The following SARS2 variants were observed in gnomAD, a reference collection of about 807,000 sequenced individuals.
SARS2 encodes the protein serine--tRNA ligase, mitochondrial.
Under a neutral mutation model 66.8 loss-of-function variants are expected in SARS2, and 52 were observed. That is an observed-to-expected ratio of 0.78 (90% confidence interval 0.62 to 0.98). The LOEUF (loss-of-function observed/expected upper bound fraction) is 0.98, where lower values mean the gene tolerates loss of function less well. SARS2 is among the 50% of genes least tolerant of loss of function. The probability of loss-of-function intolerance (pLI) is 0.00; values close to 1 mark genes in which losing one functional copy is unlikely to be tolerated. For synonymous variants in SARS2, 306 were observed against 281.4 expected (o/e 1.09, Z -0.87); for missense variants, 673 against 706.3 (o/e 0.95, Z 0.53).
chr19:38,921,157 A>G (rs567055836), intron 5 of SARS2, among the ~76,000 whole-genome samples: 1 of 152,190 alleles, frequency 6.6e-6, no homozygotes, highest in South Asian at 2.1e-4. Flanking sequence ...CGATACAATC[A>G]CACAACACAG....
chr19:38,930,401 G>A (rs907756867), intron 1 of SARS2, 69 bp downstream of exon 1: 3 of 1,518,870 alleles, frequency 2.0e-6, no homozygotes, highest in African/African-American at 2.8e-5. Context: ...CTGCCGGAGG[G>A]CATCTTGCAA....
At chr19:38,918,927 G>C (rs1400365555) in intron 7 of SARS2, 114 bp from the exon 8 acceptor site, 1 of 1,082,722 alleles carries the variant, frequency 9.2e-7, no homozygotes, top group Non-Finnish European at 1.4e-6. Context: ...ACTGAGGCAG[G>C]GGCTGGCGCA....
rs1297211481 is a variant in SARS2 at position 38,918,278 on chromosome 19, T to C, written c.917-139A>G. On this transcript the variant is annotated intron_variant, in intron 9 of 15. Coordinates refer to ENST00000221431, the MANE Select transcript of SARS2 (RefSeq NM_017827.4). ...GGATTATCACTGTACTGCTGTACAG[T>C]AAACAACCTACACAGCCGTACATGT... The C allele has an allele frequency of 3.5e-6, 4 of 1,155,258 alleles. No individual in the cohort carries two copies. The African/African-American group carries it at 4.6e-5, about 13-fold the overall frequency. The allele number at this position is 1,155,258 out of a possible 1,614,324, so 71.6% of individuals were successfully genotyped here.
chr19:38,920,570 C>A (rs1028674175), intron 5 of SARS2, among the ~76,000 whole-genome samples: 10 of 151,644 alleles, frequency 6.6e-5, no homozygotes, highest in African/African-American at 2.4e-4. Flanking sequence ...CACACACACT[C>A]ACACACATAC....
At chr19:38,922,358 G>T in intron 2 of SARS2, 91 bp from the exon 3 acceptor site, 1 of 1,237,190 alleles carries the variant, frequency 8.1e-7, no homozygotes, top group Non-Finnish European at 1.2e-6. Flanking sequence ...AAGGCCAGAG[G>T]ATCTTAGTCT....
chr19:38,917,690 CTGCCAT>C, intron 12 of SARS2, 28 bp downstream of exon 12: 1 of 1,138,298 alleles, frequency 8.8e-7, no homozygotes, highest in Non-Finnish European at 1.3e-6. Flanking sequence ...TACCCCACCC[CTGCCAT>C]CCCTGGATCC....
chr19:38,915,447 C>T lies in SARS2; in HGVS notation c.*159G>A, dbSNP rs767430811. ...GTGACTGACTCTGAGGCAGCAAGGA[C>T]AGAGGAGAGGTGGACCCCGTGGTCC... On this transcript the variant is annotated 3_prime_UTR_variant, in exon 16 of 16. Transcript: ENST00000221431. The T allele has an allele frequency of 4.0e-6, 3 of 742,664 alleles. 1 individual carries two copies. Among genetic ancestry groups the T allele is most frequent in the Middle Eastern group, 8.0e-4 (2 of 2,504 alleles). 46.0% of individuals were successfully genotyped at this position (742,664 alleles called of 1,614,324 possible).
intron 1 of SARS2, among the ~76,000 whole-genome samples, 179 bp downstream of exon 1, chr19:38,930,291 G>T (rs180727623): frequency 6.4e-4 from 97 of 152,246 alleles, no homozygotes; most frequent in Non-Finnish European, 2.4e-4. Context: ...ACATAGTAGG[G>T]CCTCAGCACT....
rs374400683 is a variant in SARS2, at chr19:38,915,579, C to A, written c.*27G>T. ...TCCTGAACTCCAGGAAGCAGTGACACCCCCGAGGGCTGCTGTGGGTGGGTT... is the reference window on the plus strand; with the variant it reads ...TCCTGAACTCCAGGAAGCAGTGACAACCCCGAGGGCTGCTGTGGGTGGGTT... On this transcript the variant is annotated 3_prime_UTR_variant, in exon 16 of 16. Coordinates refer to ENST00000221431, the MANE Select transcript of SARS2 (RefSeq NM_017827.4). The A allele has an allele frequency of 9.3e-6, 15 of 1,609,030 alleles. No homozygotes were observed. Among genetic ancestry groups the A allele is most frequent in the Non-Finnish European group, 1.1e-5 (13 of 1,179,588 alleles).
Position 38,915,503 on chromosome 19 carries a change from A to G in SARS2, c.*103T>C. On this transcript the variant is annotated 3_prime_UTR_variant, in exon 16 of 16. Coordinates refer to ENST00000221431, the MANE Select transcript of SARS2 (RefSeq NM_017827.4). ...CCCGGGCGTGGAGCTGACAGGAAGA[A>G]CACAGATGTCAGGACGGGCTCAGCA... 7.0e-7 allele frequency: 1 copy of G among 1,418,460 alleles called. No individual in the cohort carries two copies. 87.9% of individuals were successfully genotyped at this position (1,418,460 alleles called of 1,614,324 possible). A position where few individuals can be genotyped will look rare whatever the true frequency, so the allele number is the denominator to read the frequency against.
intron 5 of SARS2, 56 bp downstream of exon 5, chr19:38,921,336 C>A: frequency 1.3e-6 from 2 of 1,598,170 alleles, no homozygotes; most frequent in Non-Finnish European, 1.7e-6. Flanking sequence ...ACCCCGAGAC[C>A]CCAGAACCCC....
intron 1 of SARS2, among the ~76,000 whole-genome samples, chr19:38,929,423 G>A (rs1431273948): frequency 6.6e-6 from 1 of 151,972 alleles, no homozygotes; most frequent in Non-Finnish European, 1.5e-5. Flanking sequence ...GGGCGTGGTG[G>A]TGTCTGCCTG....
chr19:38,921,036 CACAG>C (rs1974521809), intron 5 of SARS2, among the ~76,000 whole-genome samples: 2 of 138,466 alleles, frequency 1.4e-5, no homozygotes, highest in African/African-American at 6.4e-5. Flanking sequence ...TACAGACACA[CACAG>C]ATACACAGAT....
rs535198999 is a variant in SARS2 at position 38,916,012 on chromosome 19, G to T, written c.1347+25C>A. 1.7e-5 allele frequency: 27 copies of T among 1,612,468 alleles called. 1 individual carries two copies. The South Asian group carries it at 2.3e-4, about 14-fold the overall frequency. ...GCAGAGGCTGCGGGCGAGGGCACGC[G>T]GGCAGGAGGCTGTGCGGGCCTCACC... is the stretch of plus-strand genomic sequence containing the variant. On this transcript the variant is annotated intron_variant, in intron 14 of 15. Coordinates refer to ENST00000221431, the MANE Select transcript of SARS2 (RefSeq NM_017827.4).
chr19:38,923,535 A>C (rs1974578068), intron 2 of SARS2, among the ~76,000 whole-genome samples: 1 of 149,918 alleles, frequency 6.7e-6, no homozygotes, highest in Admixed American at 6.7e-5. Flanking sequence ...GGTTTTCTTT[A>C]TAGCAGTGTG....
chr19:38,917,461 G>C (rs918338070), intron 12 of SARS2, among the ~76,000 whole-genome samples: 1 of 152,212 alleles, frequency 6.6e-6, no homozygotes, highest in Non-Finnish European at 1.5e-5. Context: ...CAGAGAGAGG[G>C]GGAGCAGCAG....
rs941027839 is a variant in SARS2, at chr19:38,921,587, C to G, written c.474G>C (p.Gln158His). The change falls in exon 4 of 16, where the codon CAG becomes CAC. Residue 158 changes from glutamine (Q) to histidine (H), a missense_variant. Physicochemically the swap from Gln to His is conservative, Grantham distance 24. Coordinates refer to ENST00000221431, the MANE Select transcript of SARS2 (RefSeq NM_017827.4). ...CCTGCAGGTAGAACTGCTCCTCAAG[C>G]TGGGCCTCCCTGGGGTACAGGTGAA... ...ELVHLYPREAQLEEQFYLQAL... is the reference protein window; with the variant it reads ...ELVHLYPREAHLEEQFYLQAL... 6.2e-7 allele frequency: 1 copy of G among 1,614,214 alleles called. No homozygotes were observed. Among genetic ancestry groups the G allele is most frequent in the Non-Finnish European group, 8.5e-7 (1 of 1,180,024 alleles).
chr19:38,919,114 T>C (rs1974472749), intron 7 of SARS2, among the ~76,000 whole-genome samples: 1 of 151,092 alleles, frequency 6.6e-6, no homozygotes, highest in Admixed American at 6.6e-5. Context: ...CAGAGCGAAC[T>C]CTGTCAAAAA....
rs757881955 is a variant in SARS2 at position 38,916,269 on chromosome 19, G to C, written c.1206C>G (p.Arg402=). 1 of 1,614,124 alleles carries C rather than the reference G, an allele frequency of 6.2e-7. No homozygotes were observed. The highest frequency in any genetic ancestry group is 8.5e-7 in the Non-Finnish European group (1 of 1,179,988). ...PTQELGLPAY[R]KFDIEAWMPG... ...GCATCCAGGCCTCAATGTCAAACTT[G>C]CGGTAGGCGGGGAGGCCCAGTTCTT... The change falls in exon 13 of 16, where the codon CGC becomes CGG. Residue 402 remains arginine, a synonymous_variant. Coordinates refer to ENST00000221431, the MANE Select transcript of SARS2 (RefSeq NM_017827.4).
Sources: allele counts gnomAD v4.1 joint callset (sites outside exome capture counted in the v4.1 genomes callset), GRCh38; gene constraint gnomAD v4.1.1; transcripts MANE v1.5; gene names NCBI Gene and HGNC (gene_info 2026-07-23, HGNC 2026-07-21).